ARSJ: variants seen among roughly 807,000 people sequenced by gnomAD.
ARSJ encodes arylsulfatase family member J.
In ARSJ, 26 loss-of-function variants were observed where a neutral mutation model predicts 35.9. That is an observed-to-expected ratio of 0.72 (90% CI 0.53 to 1.00). The LOEUF (loss-of-function observed/expected upper bound fraction) is 1.00. Ranked by LOEUF, ARSJ falls within the 50% of genes least tolerant of loss-of-function variation. The probability of loss-of-function intolerance (pLI) is 0.00; values close to 1 mark genes in which losing one functional copy is unlikely to be tolerated. For missense variants in ARSJ, 667 were observed against 723.6 expected (o/e 0.92, Z 0.90); for synonymous variants, 294 against 267.6 (o/e 1.10, Z -0.96).
At chr4:113,928,319 G>A (rs1225043175) in intron 1 of ARSJ, among the ~76,000 whole-genome samples, 1 of 152,134 alleles carries the variant, frequency 6.6e-6, no homozygotes, top group East Asian at 1.9e-4. Context: ...GTAATATAGT[G>A]GGGTCCTTCC....
At chr4:113,974,364 A>T (rs1727462703) in intron 1 of ARSJ, among the ~76,000 whole-genome samples, 1 of 152,114 alleles carries the variant, frequency 6.6e-6, no homozygotes, top group Non-Finnish European at 1.5e-5. Flanking sequence ...ACACTAAAAA[A>T]CCAAAACACT....
intron 1 of ARSJ, among the ~76,000 whole-genome samples, chr4:113,972,131 C>G (rs1317576302): frequency 6.6e-6 from 1 of 152,064 alleles, no homozygotes; most frequent in Non-Finnish European, 1.5e-5. Flanking sequence ...CAGAGGAGGC[C>G]TATCTGGATT....
chr4:113,939,067 C>T (rs1562356655), intron 1 of ARSJ, among the ~76,000 whole-genome samples: 1 of 133,356 alleles, frequency 7.5e-6, no homozygotes, highest in Non-Finnish European at 1.6e-5. Context: ...CCCCCCTCCC[C>T]CACCCCACAA....
chr4:113,950,661 A>C (rs2149274937), intron 1 of ARSJ, among the ~76,000 whole-genome samples: 1 of 152,156 alleles, frequency 6.6e-6, no homozygotes, highest in East Asian at 1.9e-4. Context: ...AAGTATATAA[A>C]TTCTGTTTGG....
chr4:113,903,334 T>G lies in ARSJ; in HGVS notation c.740A>C (p.Gln247Pro). 1 of 1,614,228 alleles carries G rather than the reference T, an allele frequency of 6.2e-7. No homozygotes were observed. Among genetic ancestry groups the G allele is most frequent in the Non-Finnish European group, 8.5e-7 (1 of 1,180,036 alleles). ...GGGGTTATGGGAAGCTAAGATTTGC[T>G]GTACTCTCTGAGTGTACATCTGTGT... ...YSTQMYTQRV[Q>P]QILASHNPTK... is the part of the protein sequence containing the mutation. The change falls in exon 2 of 2, where the codon CAG becomes CCG. Residue 247 changes from glutamine to proline, a missense_variant. Coordinates refer to ENST00000315366, the MANE Select transcript of ARSJ (RefSeq NM_024590.4).
At chr4:113,940,818 C>G (rs1425459599) in intron 1 of ARSJ, among the ~76,000 whole-genome samples, 3 of 151,518 alleles carry the variant, frequency 2.0e-5, no homozygotes, top group East Asian at 3.9e-4. Context: ...TTTTTTTCAT[C>G]TTGAATTCAA....
chr4:113,926,210 C>T (rs1594424571), intron 1 of ARSJ, among the ~76,000 whole-genome samples: 1 of 151,632 alleles, frequency 6.6e-6, no homozygotes, highest in East Asian at 1.9e-4. Context: ...CCCCAAATTT[C>T]TTTGTCACCA....
intron 1 of ARSJ, among the ~76,000 whole-genome samples, chr4:113,949,331 T>C (rs1195162973): frequency 1.3e-5 from 2 of 151,888 alleles, no homozygotes; most frequent in African/African-American, 4.8e-5. Flanking sequence ...GAACTTAAAG[T>C]ATAATAATAA....
chr4:113,976,357 T>C (rs569370152), intron 1 of ARSJ, among the ~76,000 whole-genome samples: 255 of 152,326 alleles, frequency 1.7e-3, no homozygotes, highest in African/African-American at 6.0e-3. Context: ...CATAGACATG[T>C]GTTCATAGAG....
At chr4:113,962,157 C>G (rs773163729) in intron 1 of ARSJ, among the ~76,000 whole-genome samples, 1 of 151,976 alleles carries the variant, frequency 6.6e-6, no homozygotes, top group African/African-American at 2.4e-5. Context: ...CCAGTTCATT[C>G]AACTCTGGGA....
chr4:113,921,959 A>C (rs1269725114), intron 1 of ARSJ, among the ~76,000 whole-genome samples: 1 of 152,154 alleles, frequency 6.6e-6, no homozygotes, highest in Non-Finnish European at 1.5e-5. Context: ...TCTAAGAAGA[A>C]ATCAAATAAC....
At chr4:113,957,945 G>T (rs189040474) in intron 1 of ARSJ, among the ~76,000 whole-genome samples, 10 of 152,162 alleles carry the variant, frequency 6.6e-5, no homozygotes, top group African/African-American at 2.4e-4. Context: ...ACTAGTCTAC[G>T]TTCTATGCTA....
chr4:113,903,179 AG>A lies in ARSJ; in HGVS notation c.894del (p.Cys299AlafsTer2). 1 of 1,614,240 alleles carries A rather than the reference AG, an allele frequency of 6.2e-7. No individual in the cohort carries two copies. Among genetic ancestry groups the A allele is most frequent in the African/African-American group, 1.3e-5 (1 of 75,064 alleles). The part of the protein sequence containing the change: ...INRRRYAAML[S>X]CLDEAINNVT... ...ACGTTGTTGATTGCTTCATCTAAGCAGGAAAGCATGGCAGCATATCTCCTCC... is the reference window on the plus strand; with the variant it reads ...ACGTTGTTGATTGCTTCATCTAAGCAGAAAGCATGGCAGCATATCTCCTCC... On this transcript the variant is annotated frameshift_variant, in exon 2 of 2. Coordinates refer to ENST00000315366, the MANE Select transcript of ARSJ (RefSeq NM_024590.4). LOFTEE classifies it high-confidence loss of function.
At chr4:113,928,710 G>A (rs1049025902) in intron 1 of ARSJ, among the ~76,000 whole-genome samples, 1 of 152,150 alleles carries the variant, frequency 6.6e-6, no homozygotes, top group Non-Finnish European at 1.5e-5. Context: ...TTATAGTTGA[G>A]TCACTGTGGT....
At position 113,902,466 on chromosome 4, in the gene ARSJ, G is replaced by A. The variant is rs750829772; in HGVS notation, c.1608C>T (p.Pro536=). The change falls in exon 2 of 2, where the codon CCC becomes CCT. Residue 536 remains proline, a synonymous_variant. Transcript: ENST00000315366. The part of the protein sequence containing the change: ...FNKTAVPVRY[P]PKDPRSNPRL... ...TAGGGTTACTTCTGGGGTCTTTGGGGGGATACCTGACCGGCACTGCAGTTT... is the reference window on the plus strand; with the variant it reads ...TAGGGTTACTTCTGGGGTCTTTGGGAGGATACCTGACCGGCACTGCAGTTT... 1.6e-5 allele frequency: 26 copies of A among 1,613,940 alleles called. No individual in the cohort carries two copies. Among genetic ancestry groups the A allele is most frequent in the Non-Finnish European group, 2.1e-5 (25 of 1,180,004 alleles).
intron 1 of ARSJ, among the ~76,000 whole-genome samples, chr4:113,935,772 T>C (rs1724729964): frequency 6.6e-6 from 1 of 151,944 alleles, no homozygotes; most frequent in Admixed American, 6.6e-5. Flanking sequence ...GCATGTTGTG[T>C]AACCAGAAGT....
At chr4:113,967,570 A>G (rs1322678582) in intron 1 of ARSJ, among the ~76,000 whole-genome samples, 1 of 152,134 alleles carries the variant, frequency 6.6e-6, no homozygotes, top group Non-Finnish European at 1.5e-5. Context: ...TGAAGTGTGG[A>G]GCTGGGGTTA....
At chr4:113,906,852 C>T in intron 1 of ARSJ, 4 of 384,942 alleles carry the variant, frequency 1.0e-5, no homozygotes, top group South Asian at 7.7e-5. Context: ...AACAATTATC[C>T]CAGAATGCTG....
chr4:113,915,755 C>T (rs143296220), intron 1 of ARSJ, among the ~76,000 whole-genome samples: 2,142 of 152,292 alleles, frequency 0.014, 13 homozygotes, highest in South Asian at 0.019. Flanking sequence ...CACAGTTACC[C>T]TTCATCTGCT....
Sources: allele counts gnomAD v4.1 joint callset (sites outside exome capture counted in the v4.1 genomes callset), GRCh38; gene constraint gnomAD v4.1.1; transcripts MANE v1.5; gene names NCBI Gene and HGNC (gene_info 2026-07-23, HGNC 2026-07-21).